Variants in F10 observed in about 807,000 individuals in gnomAD.
F10 encodes the protein Stuart-Prower factor.
Under a neutral mutation model 37.1 loss-of-function variants are expected in F10, and 29 were observed. That is an observed-to-expected ratio of 0.78 (90% CI 0.58 to 1.07). The LOEUF (loss-of-function observed/expected upper bound fraction) is 1.07. Ranked by LOEUF, F10 falls within the 50% of genes least tolerant of loss-of-function variation. The pLI is 0.00. For missense variants in F10, 539 were observed against 667.9 expected, an observed-to-expected ratio of 0.81 and a Z score of 2.13; for synonymous variants, 262 against 268.6, an observed-to-expected ratio of 0.98 and a Z score of 0.24.
chr13:113,134,526 C>T (rs987417623), intron 2 of F10, among the ~76,000 whole-genome samples: 2 of 152,172 alleles, frequency 1.3e-5, no homozygotes, highest in South Asian at 2.1e-4. Context: ...CATACTCCCA[C>T]GAGAACAGCA....
Position 113,129,565 on chromosome 13 carries a change from T to A in F10, c.184T>A (p.Cys62Ser). ...HLERECMEET[C>S]SYEEAREVFE... ...CGAAAGAGAGTGCATGGAAGAGACC[T>A]GCTCATACGAAGAGGCCCGCGAGGT... is the stretch of plus-strand genomic sequence containing the variant. The change falls in exon 2 of 8, where the codon TGC (cysteine) becomes AGC (serine). Residue 62 changes from cysteine (C) to serine (S), a missense_variant. Around this residue, in one of 2 missense-constraint regions of F10, gnomAD observed 130 missense variants for 120.0 expected, o/e 1.08. Transcript: ENST00000375559. 1 of 1,614,200 alleles carries A rather than the reference T, an allele frequency of 6.2e-7. No individual in the cohort carries two copies. Among genetic ancestry groups the A allele is most frequent in the Non-Finnish European group, 8.5e-7 (1 of 1,180,032 alleles).
At chr13:113,138,876 G>A (rs1309923601) in intron 3 of F10, among the ~76,000 whole-genome samples, 1 of 152,240 alleles carries the variant, frequency 6.6e-6, no homozygotes, top group African/African-American at 2.4e-5. Context: ...CCTGGTAACA[G>A]TATTCACATT....
intron 2 of F10, among the ~76,000 whole-genome samples, chr13:113,135,452 T>C (rs1463728713): frequency 6.6e-6 from 1 of 152,172 alleles, no homozygotes; most frequent in African/African-American, 2.4e-5. Flanking sequence ...TGGTCTCTGC[T>C]TCCAAGACGG....
intron 2 of F10, among the ~76,000 whole-genome samples, chr13:113,134,062 G>C (rs770295829): frequency 2.6e-5 from 4 of 152,180 alleles, no homozygotes; most frequent in Non-Finnish European, 4.4e-5. Context: ...AGAGTCTACA[G>C]TTGATATTAT....
chr13:113,133,916 C>T (rs2036455796), intron 2 of F10, among the ~76,000 whole-genome samples: 1 of 152,042 alleles, frequency 6.6e-6, no homozygotes, highest in South Asian at 2.1e-4. Context: ...CAAAAGAGAA[C>T]ATCCACATAA....
At chr13:113,135,619 A>G (rs1433738568) in intron 2 of F10, among the ~76,000 whole-genome samples, 2 of 152,218 alleles carry the variant, frequency 1.3e-5, no homozygotes, top group African/African-American at 4.8e-5. Context: ...ATACTATTAC[A>G]TTGTCGATTA....
Position 113,147,441 on chromosome 13 carries a change from C to T in F10, c.810C>T (p.Tyr270=), listed in dbSNP as rs747924970. ...GTGGAACCATTCTGAGCGAGTTCTA[C>T]ATCCTAACGGCAGCCCACTGTCTCT... ...FCGGTILSEF[Y]ILTAAHCLYQ... The change falls in exon 7 of 8, where the codon TAC becomes TAT. Residue 270 remains tyrosine (Y), a synonymous_variant. Coordinates refer to ENST00000375559, the MANE Select transcript of F10 (RefSeq NM_000504.4). 1 of 1,614,012 alleles carries T rather than the reference C, an allele frequency of 6.2e-7. No homozygotes were observed. The highest frequency in any genetic ancestry group is 2.2e-5 in the East Asian group (1 of 44,884).
In F10 at chr13:113,139,449, G is replaced by A. The variant is rs867593753; in HGVS notation, c.349G>A (p.Glu117Lys). 5 of 1,613,886 alleles carry A rather than the reference G, an allele frequency of 3.1e-6. No individual in the cohort carries two copies. Among genetic ancestry groups the A allele is most frequent in the Admixed American group, 3.3e-5 (2 of 60,002 alleles). Residue 117 changes from glutamate (E) to lysine (K), a missense_variant, in exon 4 of 8, where the codon GAA becomes AAA. Coordinates refer to ENST00000375559, the MANE Select transcript of F10 (RefSeq NM_000504.4). The surrounding 1 kb of genome is among the most constrained non-coding windows in gnomAD (Gnocchi z 5.2). ...CACCTGCACCTGTTTAGAAGGATTC[G>A]AAGGCAAAAACTGTGAATTATGTAG... ...EYTCTCLEGF[E>K]GKNCELFTRK...
intron 2 of F10, among the ~76,000 whole-genome samples, chr13:113,137,605 C>T (rs541169083): frequency 6.6e-6 from 1 of 152,276 alleles, no homozygotes; most frequent in East Asian, 1.9e-4. Context: ...GCTTTGGAGA[C>T]AAGTCTGAAA....
chr13:113,148,857 C>T (rs1041135847), intron 7 of F10, 59 bp from the exon 8 acceptor site: 20 of 1,574,164 alleles, frequency 1.3e-5, no homozygotes, highest in East Asian at 4.5e-5. Flanking sequence ...TAAAAAGCAA[C>T]GGATGTGCGA....
chr13:113,139,196 G>T lies in F10; in HGVS notation c.257-161G>T, dbSNP rs2036504947. 6.6e-6 allele frequency among the ~76,000 whole-genome samples: 1 copy of T among 152,190 alleles called. No homozygotes were observed. Among genetic ancestry groups the T allele is most frequent in the East Asian group, 1.9e-4 (1 of 5,194 alleles). On this transcript the variant is annotated intron_variant, in intron 3 of 7. Coordinates refer to ENST00000375559, the MANE Select transcript of F10 (RefSeq NM_000504.4). The surrounding 1 kb of genome is among the most constrained non-coding windows in gnomAD (Gnocchi z 5.2). ...ATCACGTACACATGGCCACAAAAGGGGGTGGATCAAATAAAGTCCAAAGAG... is the reference window on the plus strand; with the variant it reads ...ATCACGTACACATGGCCACAAAAGGTGGTGGATCAAATAAAGTCCAAAGAG...
Position 113,144,225 on chromosome 13 carries a change from C to T in F10, c.747+130C>T. 1 of 1,412,828 alleles carries T rather than the reference C, an allele frequency of 7.1e-7. No individual in the cohort carries two copies. Among genetic ancestry groups the T allele is most frequent in the Non-Finnish European group, 9.7e-7 (1 of 1,035,706 alleles). 87.5% of individuals were successfully genotyped at this position (1,412,828 alleles called of 1,614,324 possible). ...TGTTCCGAACTAGGACAGAGGGGCTCCGCCACCCAAGCCTGCCTGCCTGTC... is the reference window on the plus strand; with the variant it reads ...TGTTCCGAACTAGGACAGAGGGGCTTCGCCACCCAAGCCTGCCTGCCTGTC... On this transcript the variant is annotated intron_variant, in intron 6 of 7. Coordinates refer to ENST00000375559, the MANE Select transcript of F10 (RefSeq NM_000504.4). The surrounding 1 kb of genome is among the most constrained non-coding windows in gnomAD (Gnocchi z 6.4).
At position 113,147,235 on chromosome 13, in the gene F10, C is replaced by T. The variant is rs2036590562; in HGVS notation, c.748-144C>T. 8.6e-6 allele frequency: 6 copies of T among 693,934 alleles called. No homozygotes were observed. The South Asian group carries it at 9.1e-5, about 10-fold the overall frequency. 43.0% of individuals were successfully genotyped at this position (693,934 alleles called of 1,614,324 possible). On this transcript the variant is annotated intron_variant, in intron 6 of 7. Coordinates refer to ENST00000375559, the MANE Select transcript of F10 (RefSeq NM_000504.4). Reference sequence around the variant, plus strand: ...GCAGAGAAAAGAGACAGACAAGGAACTGTCCTTGGGTGGATGGCAGGAGAC... The same window carrying T: ...GCAGAGAAAAGAGACAGACAAGGAATTGTCCTTGGGTGGATGGCAGGAGAC...
Position 113,149,479 on chromosome 13 carries a change from C to T in F10, c.1429C>T (p.His477Tyr), listed in dbSNP as rs1314671742. 6.2e-7 allele frequency: 1 copy of T among 1,613,290 alleles called. No homozygotes were observed. The highest frequency in any genetic ancestry group is 8.5e-7 in the Non-Finnish European group (1 of 1,180,036). ...CAGGGGCTTGCCCAAGGCCAAGAGC[C>T]ATGCCCCGGAGGTCATAACGTCCTC... is the stretch of plus-strand genomic sequence containing the variant. ...KTRGLPKAKS[H>Y]APEVITSSPL... is the part of the protein sequence containing the mutation. Residue 477 changes from histidine to tyrosine, a missense_variant, in exon 8 of 8, where the codon CAT becomes TAT. Coordinates refer to ENST00000375559, the MANE Select transcript of F10 (RefSeq NM_000504.4). The surrounding 1 kb of genome is among the most constrained non-coding windows in gnomAD (Gnocchi z 7.5).
Position 113,144,037 on chromosome 13 carries a change from A to T in F10, c.689A>T (p.Asn230Ile). ...FNQTQPERGDNNLTRIVGGQE... is the reference protein window; with the variant it reads ...FNQTQPERGDINLTRIVGGQE... ...CAGACGCAGCCTGAGAGGGGCGACA[A>T]CAACCTCACCAGGATCGTGGGAGGC... Residue 230 changes from asparagine to isoleucine, a missense_variant, in exon 6 of 8, where the codon AAC becomes ATC. By Grantham distance (149) the Asn-to-Ile change is moderately radical (BLOSUM62 -3). Transcript: ENST00000375559. The surrounding 1 kb of genome is among the most constrained non-coding windows in gnomAD (Gnocchi z 6.4). The T allele has an allele frequency of 6.2e-7, 1 of 1,613,808 alleles. No individual in the cohort carries two copies. The highest frequency in any genetic ancestry group is 1.3e-5 in the African/African-American group (1 of 74,966).
In F10 at chr13:113,143,828, C is replaced by G; in HGVS notation, c.503-23C>G. On this transcript the variant is annotated intron_variant, in intron 5 of 7. Coordinates refer to ENST00000375559, the MANE Select transcript of F10 (RefSeq NM_000504.4). This position sits in a 1 kb window ranked among gnomAD's most constrained non-coding sequence, Gnocchi z 6.8. ...GGGAGCCTCTCTCTGTGCTGAAGGC[C>G]CCGGCCGTCCTCTTTCTTTCAGGGC... 1 of 1,609,894 alleles carries G rather than the reference C, an allele frequency of 6.2e-7. No individual in the cohort carries two copies. The highest frequency in any genetic ancestry group is 8.5e-7 in the Non-Finnish European group (1 of 1,179,986).
At chr13:113,125,753 A>T (rs1475514778) in intron 1 of F10, among the ~76,000 whole-genome samples, 2 of 152,208 alleles carry the variant, frequency 1.3e-5, no homozygotes, top group African/African-American at 4.8e-5. Context: ...TCTTTCCTTC[A>T]TTCCCTCAAC....
intron 4 of F10, chr13:113,140,438 G>A: frequency 2.2e-6 from 1 of 452,146 alleles, no homozygotes; most frequent in Non-Finnish European, 4.5e-6. Flanking sequence ...TTTCCCTGAT[G>A]AGAATATCAA....
In F10 at chr13:113,146,536, T is replaced by C. The variant is rs375698282; in HGVS notation, c.748-843T>C. ...CGAGTCTTGGCAAGTGGGCCTCATC[T>C]GCATCTTTAGGAAGAATGGTTGGTG... On this transcript the variant is annotated intron_variant, in intron 6 of 7. Transcript: ENST00000375559. This position sits in a 1 kb window ranked among gnomAD's most constrained non-coding sequence, Gnocchi z 4.5. Among the ~76,000 whole-genome samples the C allele has an allele frequency of 3.9e-4, 59 of 152,356 alleles. No homozygotes were observed. Among genetic ancestry groups the C allele is most frequent in the African/African-American group, 1.4e-3 (58 of 41,584 alleles).
Sources: allele counts gnomAD v4.1 joint callset (sites outside exome capture counted in the v4.1 genomes callset), GRCh38; gene constraint gnomAD v4.1.1; regional missense constraint gnomAD v4.1.1; non-coding constraint Gnocchi (gnomAD v3.1); transcripts MANE v1.5; gene names NCBI Gene and HGNC (gene_info 2026-07-23, HGNC 2026-07-21).